The following XKR6 variants were observed in gnomAD, a reference collection of about 807,000 sequenced individuals.
XKR6 encodes XK related 6, also known as XK-related protein 6.
A neutral mutation model predicts 56.7 loss-of-function variants in XKR6; 22 were observed. That is an observed-to-expected ratio of 0.39 (90% confidence interval 0.28 to 0.55). The LOEUF (loss-of-function observed/expected upper bound fraction) is 0.55, where lower values mean the gene tolerates loss of function less well. Ranked by LOEUF, XKR6 falls within the 20% of genes least tolerant of loss-of-function variation. XKR6 has a pLI of 0.66. For synonymous variants in XKR6, 524 were observed against 387.8 expected (o/e 1.35, Z -4.13); for missense variants, 852 against 889.0 (o/e 0.96, Z 0.53).
intron 1 of XKR6, among the ~76,000 whole-genome samples, chr8:10,943,917 C>A (rs555027817): frequency 6.6e-6 from 1 of 152,252 alleles, no homozygotes; most frequent in East Asian, 1.9e-4. Context: ...AGTTCAATGG[C>A]CCTGCTAAAG....
intron 1 of XKR6, among the ~76,000 whole-genome samples, chr8:11,037,761 G>C (rs541490363): frequency 6.6e-6 from 1 of 152,176 alleles, no homozygotes; most frequent in South Asian, 2.1e-4. Context: ...GGGAGGCTAA[G>C]GCAGGAGATT....
chr8:11,175,687 A>G (rs535343597), intron 1 of XKR6: 6 of 152,364 alleles, frequency 3.9e-5, no homozygotes, highest in African/African-American at 1.4e-4. Context: ...ATTTCTGATT[A>G]TCTACCTGAA....
intron 1 of XKR6, among the ~76,000 whole-genome samples, chr8:11,048,614 C>T (rs898317567): frequency 2.0e-4 from 30 of 152,258 alleles, no homozygotes; most frequent in Middle Eastern, 3.4e-3. Context: ...TTCGGATGCA[C>T]GGTGAGGTTG....
chr8:11,090,513 C>T (rs921863723), intron 1 of XKR6, among the ~76,000 whole-genome samples: 1 of 151,916 alleles, frequency 6.6e-6, no homozygotes, highest in Non-Finnish European at 1.5e-5. Context: ...AGAGAGTAAA[C>T]CAGTTTACAT....
chr8:11,085,309 G>A (rs1797849908), intron 1 of XKR6, among the ~76,000 whole-genome samples: 2 of 152,198 alleles, frequency 1.3e-5, no homozygotes, highest in African/African-American at 2.4e-5. Flanking sequence ...CACTCACAGG[G>A]TCCTTGGAGT....
chr8:11,024,163 G>A (rs1204182474), intron 1 of XKR6, among the ~76,000 whole-genome samples: 1 of 150,616 alleles, frequency 6.6e-6, no homozygotes, highest in African/African-American at 2.4e-5. Flanking sequence ...AGATATTAAT[G>A]AATTATTTTT....
At chr8:11,042,524 C>T (rs941576985) in intron 1 of XKR6, among the ~76,000 whole-genome samples, 1 of 152,190 alleles carries the variant, frequency 6.6e-6, no homozygotes, top group Non-Finnish European at 1.5e-5. Context: ...CCTTCTTTGC[C>T]TTCTGCCATG....
At chr8:11,007,239 G>C (rs911336042) in intron 1 of XKR6, among the ~76,000 whole-genome samples, 12 of 152,184 alleles carry the variant, frequency 7.9e-5, no homozygotes, top group Admixed American at 2.0e-4. Context: ...GGAATGGCTA[G>C]ACCATTCTTG....
intron 1 of XKR6, among the ~76,000 whole-genome samples, chr8:11,037,321 G>A (rs1383343993): frequency 1.3e-5 from 2 of 152,140 alleles, no homozygotes; most frequent in African/African-American, 4.8e-5. Flanking sequence ...CACCTCCCGG[G>A]CTCAAGCCGT....
chr8:11,150,283 CA>C (rs1486606479), intron 1 of XKR6, among the ~76,000 whole-genome samples: 4 of 152,104 alleles, frequency 2.6e-5, no homozygotes, highest in Non-Finnish European at 4.4e-5. Context: ...ATGGATACCC[CA>C]AATAACCCAA....
At chr8:11,110,252 C>T (rs912537317) in intron 1 of XKR6, among the ~76,000 whole-genome samples, 18 of 152,132 alleles carry the variant, frequency 1.2e-4, no homozygotes, top group African/African-American at 4.1e-4. Flanking sequence ...GGATTACAGG[C>T]GTGAGCCACT....
chr8:11,077,188 A>G (rs1586513555), intron 1 of XKR6, among the ~76,000 whole-genome samples: 1 of 152,212 alleles, frequency 6.6e-6, no homozygotes, highest in Admixed American at 6.5e-5. Flanking sequence ...AAGAAAAACC[A>G]CAAGCATAAA....
chr8:10,947,032 G>A (rs1397725496), intron 1 of XKR6, among the ~76,000 whole-genome samples: 1 of 152,182 alleles, frequency 6.6e-6, no homozygotes. Context: ...GAGCACAGAT[G>A]CATGCAGGAG....
chr8:10,914,963 C>T (rs955303451), intron 2 of XKR6, among the ~76,000 whole-genome samples: 1 of 152,200 alleles, frequency 6.6e-6, no homozygotes, highest in Admixed American at 6.5e-5. Context: ...TCAGCCTGGC[C>T]GCCTCCCCTC....
At chr8:11,074,168 G>C (rs1007079280) in intron 1 of XKR6, among the ~76,000 whole-genome samples, 5 of 152,210 alleles carry the variant, frequency 3.3e-5, no homozygotes, top group Admixed American at 1.3e-4. Flanking sequence ...ATTTCTCCGA[G>C]GTTCACGGCC....
rs1385127736 is a variant in XKR6, at chr8:11,200,913, C to A, written c.427G>T (p.Val143Leu). 9.3e-6 allele frequency: 15 copies of A among 1,609,018 alleles called. No homozygotes were observed. The highest frequency in any genetic ancestry group is 1.3e-5 in the African/African-American group (1 of 74,670). ...AGGGCCAGCCACAGGTCGGTGCCCA[C>A]GTCCCCGAAGAACACCAGCAGCGCC... ...VLALLVFFGD[V>L]GTDLWLALDY... is the part of the protein sequence containing the mutation. Residue 143 changes from valine (V) to leucine (L), a missense_variant, in exon 1 of 3, where the codon GTG becomes TTG. Physicochemically the swap from Val to Leu is conservative, Grantham distance 32. This residue lies in a region of XKR6 where 417 missense variants were observed against 355.2 expected (regional missense o/e 1.17). Transcript: ENST00000416569. The surrounding 1 kb of genome is among the most constrained non-coding windows in gnomAD (Gnocchi z 6.4).
intron 1 of XKR6, among the ~76,000 whole-genome samples, chr8:11,084,257 A>C (rs570469057): frequency 6.6e-6 from 1 of 152,354 alleles, no homozygotes; most frequent in South Asian, 2.1e-4. Context: ...GAGAGTTGGA[A>C]ATCTGGTCAG....
At chr8:11,039,903 GA>G (rs1166454073) in intron 1 of XKR6, among the ~76,000 whole-genome samples, 1 of 152,232 alleles carries the variant, frequency 6.6e-6, no homozygotes, top group African/African-American at 2.4e-5. Context: ...CCCGTTAGCG[GA>G]ACAAGCTTCC....
chr8:10,983,212 A>G (rs1007561680), intron 1 of XKR6, among the ~76,000 whole-genome samples: 3 of 152,176 alleles, frequency 2.0e-5, no homozygotes, highest in African/African-American at 7.2e-5. Flanking sequence ...AAATGTTTTA[A>G]ATGTAGAAGT....
Sources: allele counts gnomAD v4.1 joint callset (sites outside exome capture counted in the v4.1 genomes callset), GRCh38; gene constraint gnomAD v4.1.1; regional missense constraint gnomAD v4.1.1; non-coding constraint Gnocchi (gnomAD v3.1); transcripts MANE v1.5; gene names NCBI Gene and HGNC (gene_info 2026-07-23, HGNC 2026-07-21).